The following FRS2 variants were observed in gnomAD, a reference collection of about 807,000 sequenced individuals.
FRS2 encodes fibroblast growth factor receptor substrate 2, also known as FGFR signalling adaptor.
FRS2 carries 8 observed loss-of-function variants against 43.9 expected under a neutral mutation model. The observed-to-expected ratio is 0.18, with a 90% CI of 0.11 to 0.33. The LOEUF is 0.33. Among genes scored for constraint, FRS2 ranks in the 10% least tolerant of loss-of-function variants. The pLI is 1.00. For missense variants in FRS2, 534 were observed against 627.6 expected, an observed-to-expected ratio of 0.85 and a Z score of 1.59; for synonymous variants, 219 against 220.3, an observed-to-expected ratio of 0.99 and a Z score of 0.05.
At chr12:69,539,381 AG>A (rs1877654450) in intron 3 of FRS2, among the ~76,000 whole-genome samples, 3 of 152,070 alleles carry the variant, frequency 2.0e-5, no homozygotes, top group Non-Finnish European at 2.9e-5. Context: ...GTTGGATTTC[AG>A]GGGGTTTTTT....
chr12:69,510,656 A>G (rs1302235486), intron 1 of FRS2, among the ~76,000 whole-genome samples: 1 of 152,184 alleles, frequency 6.6e-6, no homozygotes, highest in Non-Finnish European at 1.5e-5. Context: ...GCGTGTGGCC[A>G]GAATGTCTTG....
At chr12:69,557,794 C>T (rs1199302641) in intron 3 of FRS2, 4 of 152,052 alleles carry the variant, frequency 2.6e-5, no homozygotes, top group Non-Finnish European at 4.4e-5. Flanking sequence ...GTGTTTCTTC[C>T]TATAGATACG....
At chr12:69,480,992 G>A (rs1408955820) in intron 1 of FRS2, among the ~76,000 whole-genome samples, 1 of 152,122 alleles carries the variant, frequency 6.6e-6, no homozygotes, top group Non-Finnish European at 1.5e-5. Flanking sequence ...GAGCTTATAA[G>A]TAACCGCCTG....
Position 69,576,918 on chromosome 12 carries a change from C to T in FRS2, c.*1963C>T, listed in dbSNP as rs997781504. Reference sequence around the variant, plus strand: ...GTTCCATTTTTAATATATTGTTCCACTTATCCTTTCTTCTGAGTAAATTGC... The same window carrying T: ...GTTCCATTTTTAATATATTGTTCCATTTATCCTTTCTTCTGAGTAAATTGC... On this transcript the variant is annotated 3_prime_UTR_variant, in exon 9 of 9. Transcript: ENST00000549921. 1 of 152,582 alleles carries T rather than the reference C, an allele frequency of 6.6e-6. No homozygotes were observed. 9.5% of individuals were successfully genotyped at this position (152,582 alleles called of 1,614,324 possible). A position where few individuals can be genotyped will look rare whatever the true frequency, so the allele number is the denominator to read the frequency against.
chr12:69,520,793 G>C (rs1022457727), intron 1 of FRS2, among the ~76,000 whole-genome samples: 3 of 152,094 alleles, frequency 2.0e-5, no homozygotes, highest in Admixed American at 6.6e-5. Context: ...TTTTGTACCA[G>C]TACCATGCTG....
At chr12:69,501,033 A>G (rs1180587380) in intron 1 of FRS2, among the ~76,000 whole-genome samples, 2 of 152,202 alleles carry the variant, frequency 1.3e-5, no homozygotes, top group East Asian at 3.9e-4. Flanking sequence ...TGTTTTCTAC[A>G]TTATAAAATT....
intron 3 of FRS2, among the ~76,000 whole-genome samples, chr12:69,554,070 T>C (rs868143514): frequency 5.3e-5 from 8 of 152,218 alleles, no homozygotes; most frequent in African/African-American, 1.9e-4. Flanking sequence ...CCTACTTAAA[T>C]GCTCCTGGCA....
rs534949621 is a variant in FRS2 at position 69,471,064 on chromosome 12, G to C, written c.-261+534G>C. 5.9e-5 allele frequency among the ~76,000 whole-genome samples: 9 copies of C among 152,222 alleles called. No individual in the cohort carries two copies. The South Asian group carries it at 1.9e-3, about 32-fold the overall frequency. On this transcript the variant is annotated intron_variant, in intron 1 of 8. Transcript: ENST00000549921. ...GGGCTTTTCATCCAGATTTGCTTCAGGGTTGTCCGGGATCGATTTGGACTG... is the reference window on the plus strand; with the variant it reads ...GGGCTTTTCATCCAGATTTGCTTCACGGTTGTCCGGGATCGATTTGGACTG...
intron 1 of FRS2, chr12:69,480,208 T>TCAC (rs1221283305): frequency 1.3e-5 from 2 of 152,238 alleles, no homozygotes; most frequent in Non-Finnish European, 2.9e-5. Context: ...TGTGCATCTG[T>TCAC]CACCACTACT....
rs79773230 is a variant in FRS2 at position 69,572,049 on chromosome 12, C to T, written c.413-69C>T. On this transcript the variant is annotated intron_variant, in intron 7 of 8. Transcript: ENST00000549921. ...CCTCCTATAATCCTCAGTACAGATT[C>T]GATTCTTACTCATTTTTATTCTCTC... The T allele has an allele frequency of 5.1e-5, 61 of 1,204,052 alleles. No individual in the cohort carries two copies. The East Asian group carries it at 1.0e-3, about 20-fold the overall frequency. 74.6% of individuals were successfully genotyped at this position (1,204,052 alleles called of 1,614,324 possible).
chr12:69,508,226 C>G (rs545146701), intron 1 of FRS2, among the ~76,000 whole-genome samples: 2 of 152,140 alleles, frequency 1.3e-5, no homozygotes, highest in South Asian at 2.1e-4. Context: ...TTTACAAATG[C>G]TAGTCATTGA....
At chr12:69,566,166 C>T (rs1880278657) in intron 4 of FRS2, among the ~76,000 whole-genome samples, 1 of 151,980 alleles carries the variant, frequency 6.6e-6, no homozygotes, top group African/African-American at 2.4e-5. Flanking sequence ...ACTGTATATC[C>T]CTGCCAGCAC....
intron 1 of FRS2, among the ~76,000 whole-genome samples, chr12:69,473,320 A>G (rs1291534840): frequency 2.0e-5 from 3 of 152,226 alleles, no homozygotes; most frequent in Non-Finnish European, 1.5e-5. Flanking sequence ...CTACTGCATC[A>G]TGTTGCTCCC....
intron 1 of FRS2, among the ~76,000 whole-genome samples, chr12:69,499,565 A>G (rs1162695445): frequency 6.6e-6 from 1 of 152,084 alleles, no homozygotes; most frequent in Non-Finnish European, 1.5e-5. Context: ...AGCATCCACA[A>G]GGCTACATAT....
At chr12:69,484,095 C>CTTTTTTTTTTTTTTTTTTTTTT (rs368221087) in intron 1 of FRS2, among the ~76,000 whole-genome samples, 4 of 149,264 alleles carry the variant, frequency 2.7e-5, no homozygotes, top group Non-Finnish European at 6.0e-5. Context: ...GCTTTTCTTT[C>CTTTTTTTTTTTTTTTTTTTTTT]TTTTTTTTTG....
At chr12:69,570,210 A>G (rs2135806747) in intron 5 of FRS2, 121 bp from the exon 6 acceptor site, 1 of 731,238 alleles carries the variant, frequency 1.4e-6, no homozygotes, top group Non-Finnish European at 2.4e-6. Context: ...TACGTAGTCC[A>G]TGCCTGATAC....
At chr12:69,571,524 A>T (rs1880756821) in intron 7 of FRS2, 90 bp downstream of exon 7, 7 of 1,006,128 alleles carry the variant, frequency 7.0e-6, no homozygotes, top group Non-Finnish European at 1.1e-5. Flanking sequence ...AACACACTAG[A>T]AATCACCACT....
chr12:69,554,028 G>T (rs887516669), intron 3 of FRS2, among the ~76,000 whole-genome samples: 2 of 152,144 alleles, frequency 1.3e-5, no homozygotes, highest in African/African-American at 4.8e-5. Flanking sequence ...CTGCTTGTTG[G>T]CAGGTTTCCA....
rs147324307 is a variant in FRS2 at position 69,541,480 on chromosome 12, G to A, written c.-122+9424G>A. 2.0e-3 allele frequency among the ~76,000 whole-genome samples: 303 copies of A among 152,142 alleles called. 2 individuals are homozygous for A. The highest frequency in any genetic ancestry group is 6.8e-3 in the Middle Eastern group (2 of 294). On this transcript the variant is annotated intron_variant, in intron 3 of 8. Transcript: ENST00000549921. ...CTACTCTGTAAAAATAAAGAATATA[G>A]CATTAATATTATTAGGCCCAGTTAG...
Sources: allele counts gnomAD v4.1 joint callset (sites outside exome capture counted in the v4.1 genomes callset), GRCh38; gene constraint gnomAD v4.1.1; transcripts MANE v1.5; gene names NCBI Gene and HGNC (gene_info 2026-07-23, HGNC 2026-07-21).